The following RIMS4 variants were observed in gnomAD, a reference collection of about 807,000 sequenced individuals.
RIMS4 encodes the protein regulating synaptic membrane exocytosis 4.
RIMS4 carries 9 observed loss-of-function variants against 29.0 expected under a neutral mutation model. The ratio of observed to expected loss-of-function variants is 0.31; its 90% CI spans 0.19 to 0.54. The LOEUF (loss-of-function observed/expected upper bound fraction) is 0.54. Ranked by LOEUF, RIMS4 falls within the 20% of genes least tolerant of loss-of-function variation. The pLI, the probability that RIMS4 is intolerant of heterozygous loss-of-function variation, is 0.94. For synonymous variants in RIMS4, 130 were observed against 152.9 expected, an observed-to-expected ratio of 0.85 and a Z score of 1.10; for missense variants, 193 against 365.7, an observed-to-expected ratio of 0.53 and a Z score of 3.85.
At chr20:44,792,096 C>T (rs1235914932) in intron 1 of RIMS4, among the ~76,000 whole-genome samples, 1 of 152,088 alleles carries the variant, frequency 6.6e-6, no homozygotes, top group Non-Finnish European at 1.5e-5. Flanking sequence ...ATCTGCTCTG[C>T]TTGTCTTTCC....
intron 1 of RIMS4, among the ~76,000 whole-genome samples, chr20:44,805,947 G>A (rs1480099871): frequency 6.6e-6 from 1 of 152,180 alleles, no homozygotes; most frequent in Non-Finnish European, 1.5e-5. Context: ...CAAAAATGGG[G>A]AGCGGGGCGC....
rs531403998 is a variant in RIMS4, at chr20:44,791,179, G to A, written c.97+18996C>T. On this transcript the variant is annotated intron_variant, in intron 1 of 5. Transcript: ENST00000372851. ...TTAAATATGTGTTGTGTGTGTGCAC[G>A]CGCACGCGCACACACCCCCTAGAGA... Among the ~76,000 whole-genome samples, 88 of 152,354 alleles carry A rather than the reference G, an allele frequency of 5.8e-4. 1 individual carries two copies. Among genetic ancestry groups the A allele is most frequent in the Middle Eastern group, 6.8e-3 (2 of 294 alleles).
intron 1 of RIMS4, among the ~76,000 whole-genome samples, chr20:44,782,595 C>T (rs932032927): frequency 6.6e-5 from 10 of 152,102 alleles, no homozygotes; most frequent in African/African-American, 1.4e-4. Flanking sequence ...ACATACTTTA[C>T]GAGTTAGCTA....
At chr20:44,781,124 G>T (rs575410999) in intron 1 of RIMS4, among the ~76,000 whole-genome samples, 12 of 146,804 alleles carry the variant, frequency 8.2e-5, no homozygotes, top group Admixed American at 6.0e-4. Flanking sequence ...AGTAGAGTGT[G>T]GGGGGGACAT....
chr20:44,805,465 G>C (rs868720503), intron 1 of RIMS4, among the ~76,000 whole-genome samples: 15 of 152,128 alleles, frequency 9.9e-5, no homozygotes, highest in Admixed American at 3.3e-4. Flanking sequence ...TAAGAAAATG[G>C]GAAGGGGGGT....
intron 1 of RIMS4, among the ~76,000 whole-genome samples, chr20:44,774,685 C>A (rs983541238): frequency 6.6e-6 from 1 of 152,164 alleles, no homozygotes; most frequent in Non-Finnish European, 1.5e-5. Flanking sequence ...TTAGTTCTGT[C>A]CTTCCAGAGA....
chr20:44,792,215 T>C (rs552823287), intron 1 of RIMS4, among the ~76,000 whole-genome samples: 1 of 152,284 alleles, frequency 6.6e-6, no homozygotes, highest in East Asian at 1.9e-4. Context: ...CTGTAAAATA[T>C]GATCCAGGGC....
At chr20:44,764,114 T>C (rs1309824779) in intron 2 of RIMS4, among the ~76,000 whole-genome samples, 111 of 29,904 alleles carry the variant, frequency 3.7e-3, no homozygotes, top group Non-Finnish European at 4.3e-3. Context: ...GTCCATCCAT[T>C]TATCCATCCA....
At position 44,756,425 on chromosome 20, in the gene RIMS4, GC is replaced by G; in HGVS notation, c.592-74del. 1.6e-6 allele frequency: 2 copies of G among 1,277,058 alleles called. No homozygotes were observed. 79.1% of individuals were successfully genotyped at this position (1,277,058 alleles called of 1,614,324 possible). A position where few individuals can be genotyped will look rare whatever the true frequency, so the allele number is the denominator to read the frequency against. ...CAGGCCCAGAAGCAGAACCTGGGTCGCCCCATGCCCAATCCAGCTCAGTCCT... is the reference window on the plus strand; with the variant it reads ...CAGGCCCAGAAGCAGAACCTGGGTCGCCCATGCCCAATCCAGCTCAGTCCT... On this transcript the variant is annotated intron_variant, in intron 5 of 5. Transcript: ENST00000372851. The surrounding 1 kb of genome is among the most constrained non-coding windows in gnomAD (Gnocchi z 5.9).
rs531216252 is a variant in RIMS4, at chr20:44,778,078, T to C, written c.98-6665A>G. On this transcript the variant is annotated intron_variant, in intron 1 of 5. Transcript: ENST00000372851. ...TGACTTGGGCCTCACATGCCTCCCT[T>C]GTCCAGGTCTTGAAGTCCATCTGAA... 7.8e-4 allele frequency among the ~76,000 whole-genome samples: 119 copies of C among 152,310 alleles called. 3 individuals are homozygous for C. The South Asian group carries it at 0.024, about 31-fold the overall frequency.
intron 2 of RIMS4, among the ~76,000 whole-genome samples, chr20:44,764,781 C>T (rs1355971888): frequency 2.0e-5 from 3 of 152,116 alleles, no homozygotes; most frequent in Non-Finnish European, 4.4e-5. Context: ...TCAAATTGTT[C>T]CCTAATACTT....
chr20:44,785,749 T>A (rs1298097883), intron 1 of RIMS4, among the ~76,000 whole-genome samples: 1 of 149,904 alleles, frequency 6.7e-6, no homozygotes, highest in Non-Finnish European at 1.5e-5. Context: ...ACATAGGTTT[T>A]CTTTTTTTTT....
chr20:44,795,759 G>A (rs776385398), intron 1 of RIMS4, among the ~76,000 whole-genome samples: 11 of 152,030 alleles, frequency 7.2e-5, no homozygotes, highest in African/African-American at 2.4e-4. Flanking sequence ...TATCTGTATC[G>A]GCCTTTTACA....
intron 2 of RIMS4, among the ~76,000 whole-genome samples, chr20:44,760,774 A>C (rs1163683842): frequency 1.3e-5 from 2 of 152,214 alleles, no homozygotes; most frequent in South Asian, 2.1e-4. Flanking sequence ...GACACTTGGA[A>C]TATGTTAGTG....
Position 44,810,314 on chromosome 20 carries a change from G to A in RIMS4, c.-43C>T. ...GCGCCTCGGCCGCGGCGGCGGCGGC[G>A]GCGGCGGGCGGCTTGGGCAGCTTGG... On this transcript the variant is annotated 5_prime_UTR_variant, in exon 1 of 6. Transcript: ENST00000372851. 1.4e-6 allele frequency: 1 copy of A among 737,232 alleles called. No homozygotes were observed. The highest frequency in any genetic ancestry group is 1.7e-6 in the Non-Finnish European group (1 of 592,220). The allele number at this position is 737,232 out of a possible 1,614,324, so 45.7% of individuals were successfully genotyped here.
rs1012982726 is a variant in RIMS4 at position 44,808,099 on chromosome 20, C to T, written c.97+2076G>A. ...GTGTGTGTGTATATATATATATATA[C>T]ACACACACCCATTCCAGGGCTTCAG... On this transcript the variant is annotated intron_variant, in intron 1 of 5. Transcript: ENST00000372851. Among the ~76,000 whole-genome samples, 7 of 148,954 alleles carry T rather than the reference C, an allele frequency of 4.7e-5. No individual in the cohort carries two copies. In the South Asian group the frequency reaches 6.4e-4, roughly 14 times the overall value.
At chr20:44,777,561 A>C (rs565231295) in intron 1 of RIMS4, among the ~76,000 whole-genome samples, 1 of 152,326 alleles carries the variant, frequency 6.6e-6, no homozygotes, top group East Asian at 1.9e-4. Context: ...AACTTGTCCA[A>C]GGTTATACCA....
chr20:44,759,303 G>C (rs1365334677), intron 2 of RIMS4, among the ~76,000 whole-genome samples: 1 of 151,980 alleles, frequency 6.6e-6, no homozygotes. Context: ...AGTCTGGAGT[G>C]CAGTGGCACG....
chr20:44,807,665 A>C (rs550896097), intron 1 of RIMS4, among the ~76,000 whole-genome samples: 7 of 152,346 alleles, frequency 4.6e-5, no homozygotes, highest in Admixed American at 4.6e-4. Context: ...AGTTCAGTGC[A>C]GTGCTGTTCT....
Sources: gnomAD v4.1 joint callset for allele counts (sites outside exome capture counted in the v4.1 genomes callset) on GRCh38, gnomAD v4.1.1 for gene constraint, Gnocchi (gnomAD v3.1) non-coding constraint, MANE v1.5 for transcripts, NCBI Gene and HGNC (gene_info 2026-07-23, HGNC 2026-07-21) for gene names.